The following LRPPRC variants were observed in gnomAD, a reference collection of about 807,000 sequenced individuals.
LRPPRC encodes leucine-rich PPR motif-containing protein, mitochondrial.
LRPPRC carries 120 observed loss-of-function variants against 180.3 expected under a neutral mutation model. That is an observed-to-expected ratio of 0.67 (90% CI 0.57 to 0.77). LRPPRC has a LOEUF of 0.77. Ranked by LOEUF, LRPPRC falls within the 30% of genes least tolerant of loss-of-function variation. The probability of loss-of-function intolerance (pLI) is 0.00; values close to 1 mark genes in which losing one functional copy is unlikely to be tolerated. For missense variants in LRPPRC, 2,012 were observed against 1,657.2 expected (o/e 1.21, Z -3.72); for synonymous variants, 723 against 600.0 (o/e 1.21, Z -3.00).
At chr2:43,931,371 G>A (rs1183990816) in intron 25 of LRPPRC, among the ~76,000 whole-genome samples, 1 of 152,156 alleles carries the variant, frequency 6.6e-6, no homozygotes, top group Non-Finnish European at 1.5e-5. Flanking sequence ...GCATAGAGAA[G>A]GAAGGGAATC....
At chr2:43,916,515 A>G (rs1671473106) in intron 29 of LRPPRC, among the ~76,000 whole-genome samples, 1 of 152,248 alleles carries the variant, frequency 6.6e-6, no homozygotes, top group Non-Finnish European at 1.5e-5. Flanking sequence ...ATACTAGTAT[A>G]GTAATTAATG....
At chr2:43,895,438 T>C (rs1199543710) in intron 35 of LRPPRC, among the ~76,000 whole-genome samples, 3 of 152,224 alleles carry the variant, frequency 2.0e-5, no homozygotes, top group Admixed American at 6.5e-5. Context: ...AGCAGACATA[T>C]TGCCGTGCAT....
At chr2:43,995,174 G>A (rs1674972047) in intron 1 of LRPPRC, among the ~76,000 whole-genome samples, 1 of 152,150 alleles carries the variant, frequency 6.6e-6, no homozygotes, top group African/African-American at 2.4e-5. Flanking sequence ...CCGGGAAGCG[G>A]AAGTTGCAGT....
chr2:43,947,420 G>A (rs754851325), intron 19 of LRPPRC, 50 bp from the exon 20 acceptor site: 41 of 897,844 alleles, frequency 4.6e-5, no homozygotes, highest in Non-Finnish European at 6.7e-5. Flanking sequence ...AGGAAATATA[G>A]TATGCCTTTT....
In LRPPRC at chr2:43,963,462, A is replaced by T. The variant is rs1673432575; in HGVS notation, c.1488+126T>A. On this transcript the variant is annotated intron_variant, in intron 12 of 37. Transcript: ENST00000260665. ...TCCATCTCAAAAAAAAGAAAAAAAG[A>T]AAATTGTATACAGATTTGACCATTT... 12 of 722,844 alleles carry T rather than the reference A, an allele frequency of 1.7e-5. No homozygotes were observed. The South Asian group carries it at 1.7e-4, about 10-fold the overall frequency. The allele number at this position is 722,844 out of a possible 1,614,324, so 44.8% of individuals were successfully genotyped here. A position where few individuals can be genotyped will look rare whatever the true frequency, so the allele number is the denominator to read the frequency against.
At chr2:43,974,492 A>C in intron 8 of LRPPRC, 122 bp downstream of exon 8, 2 of 842,798 alleles carry the variant, frequency 2.4e-6, no homozygotes, top group Non-Finnish European at 3.9e-6. Context: ...TATTTAACTG[A>C]CTTTAAGAGT....
intron 23 of LRPPRC, among the ~76,000 whole-genome samples, chr2:43,940,924 C>T (rs994690509): frequency 1.3e-5 from 2 of 152,106 alleles, no homozygotes; most frequent in African/African-American, 4.8e-5. Context: ...AAATAATACT[C>T]ATTTGGACTA....
intron 1 of LRPPRC, among the ~76,000 whole-genome samples, chr2:43,987,915 T>G (rs1263081049): frequency 6.6e-6 from 1 of 152,138 alleles, no homozygotes; most frequent in Admixed American, 6.5e-5. Flanking sequence ...AAATTAGACC[T>G]TTAAAAATAT....
At chr2:43,990,020 CTGGCCAACATGGCAATGG>C (rs983142252) in intron 1 of LRPPRC, among the ~76,000 whole-genome samples, 15 of 152,066 alleles carry the variant, frequency 9.9e-5, no homozygotes, top group African/African-American at 3.6e-4. Flanking sequence ...CGAGACCAGC[CTGGCCAACATGGCAATGG>C]CAAAACCCCA....
At chr2:43,971,647 C>T (rs1310371472) in intron 11 of LRPPRC, among the ~76,000 whole-genome samples, 1 of 151,782 alleles carries the variant, frequency 6.6e-6, no homozygotes, top group Non-Finnish European at 1.5e-5. Context: ...TCATGAAACA[C>T]AGCACATCCT....
chr2:43,907,098 C>T (rs1012706364), intron 30 of LRPPRC, among the ~76,000 whole-genome samples: 1 of 152,186 alleles, frequency 6.6e-6, no homozygotes, highest in African/African-American at 2.4e-5. Flanking sequence ...TATTCACCTA[C>T]AATTCATTAA....
In LRPPRC at chr2:43,946,100, C is replaced by T. The variant is rs747206715; in HGVS notation, c.2210+13G>A. The stretch of plus-strand genomic sequence containing the variant: ...TAAATGTTGACAACTTGTTTCAGTG[C>T]CAGGGTACTCACAATTCTTCTTTCA... On this transcript the variant is annotated intron_variant, in intron 21 of 37. Coordinates refer to ENST00000260665, the MANE Select transcript of LRPPRC (RefSeq NM_133259.4). 1.2e-6 allele frequency: 2 copies of T among 1,611,708 alleles called. No homozygotes were observed. Among genetic ancestry groups the T allele is most frequent in the Non-Finnish European group, 1.7e-6 (2 of 1,178,234 alleles).
At position 43,955,463 on chromosome 2, in the gene LRPPRC, T is replaced by C. The variant is rs146606035; in HGVS notation, c.1649+1922A>G. On this transcript the variant is annotated intron_variant, in intron 14 of 37. Coordinates refer to ENST00000260665, the MANE Select transcript of LRPPRC (RefSeq NM_133259.4). ...CAGCCTGGGTGACAGAGCAAGACTC[T>C]GTCTCAAAAAGAAAAAAAAAAAAAA... 1.3e-4 allele frequency among the ~76,000 whole-genome samples: 17 copies of C among 133,230 alleles called. No individual in the cohort carries two copies. In the East Asian group the frequency reaches 3.7e-3, roughly 29 times the overall value. 87.4% of individuals were successfully genotyped at this position (133,230 alleles called of 152,430 possible). A position where few individuals can be genotyped will look rare whatever the true frequency, so the allele number is the denominator to read the frequency against.
chr2:43,988,001 T>A (rs1174385347), intron 1 of LRPPRC, among the ~76,000 whole-genome samples: 1 of 152,028 alleles, frequency 6.6e-6, no homozygotes, highest in Non-Finnish European at 1.5e-5. Flanking sequence ...CCTAGCACTT[T>A]TGGAGGCCGA....
chr2:43,973,476 T>C (rs1673907849), intron 11 of LRPPRC, 131 bp downstream of exon 11: 1 of 717,344 alleles, frequency 1.4e-6, no homozygotes, highest in Non-Finnish European at 2.6e-6. Context: ...TCATGATGAC[T>C]TAAAACAATT....
intron 14 of LRPPRC, among the ~76,000 whole-genome samples, chr2:43,954,302 A>C (rs1324738377): frequency 1.3e-5 from 2 of 152,260 alleles, no homozygotes; most frequent in African/African-American, 4.8e-5. Flanking sequence ...AAAGAATTTA[A>C]ATAGGTTATT....
In LRPPRC at chr2:43,927,904, C is replaced by T. The variant is rs572475905; in HGVS notation, c.2737-1943G>A. Among the ~76,000 whole-genome samples, 17 of 152,280 alleles carry T rather than the reference C, an allele frequency of 1.1e-4. No individual in the cohort carries two copies. In the South Asian group the frequency reaches 3.5e-3, roughly 32 times the overall value. Reference sequence around the variant, plus strand: ...CTAGGCTGCTGTAATGTCAAGATTTCTGGCTTATCTCTTAACATCTTATTG... The same window carrying T: ...CTAGGCTGCTGTAATGTCAAGATTTTTGGCTTATCTCTTAACATCTTATTG... On this transcript the variant is annotated intron_variant, in intron 25 of 37. Coordinates refer to ENST00000260665, the MANE Select transcript of LRPPRC (RefSeq NM_133259.4).
intron 34 of LRPPRC, among the ~76,000 whole-genome samples, chr2:43,897,553 G>C (rs529252646): frequency 6.6e-6 from 1 of 152,000 alleles, no homozygotes; most frequent in Non-Finnish European, 1.5e-5. Context: ...TCTTCGCTAC[G>C]GCAAGAATAA....
In LRPPRC at chr2:43,974,623, A is replaced by T; in HGVS notation, c.1000T>A (p.Tyr334Asn). The T allele has an allele frequency of 2.6e-6, 4 of 1,528,122 alleles. No individual in the cohort carries two copies. The highest frequency in any genetic ancestry group is 1.4e-5 in the African/African-American group (1 of 73,408). 94.7% of individuals were successfully genotyped at this position (1,528,122 alleles called of 1,614,324 possible). A position where few individuals can be genotyped will look rare whatever the true frequency, so the allele number is the denominator to read the frequency against. The change falls in exon 8 of 38, where the codon TAT becomes AAT. Residue 334 changes from tyrosine to asparagine, a missense_variant. Physicochemically the swap from Tyr to Asn is moderately radical, Grantham distance 143 (BLOSUM62 -2). Coordinates refer to ENST00000260665, the MANE Select transcript of LRPPRC (RefSeq NM_133259.4). ...ILEKVTCERR[Y>N]IPDAMNLILL... ...ATTTTTTTAAAACTACCTGGAATATATCTTCTTTCACATGTAACTTTTTCC... is the reference window on the plus strand; with the variant it reads ...ATTTTTTTAAAACTACCTGGAATATTTCTTCTTTCACATGTAACTTTTTCC...
Sources: allele counts gnomAD v4.1 joint callset (sites outside exome capture counted in the v4.1 genomes callset), GRCh38; gene constraint gnomAD v4.1.1; transcripts MANE v1.5; gene names NCBI Gene and HGNC (gene_info 2026-07-23, HGNC 2026-07-21).